The following PDE1C variants were observed in gnomAD, a reference collection of about 807,000 sequenced individuals.
PDE1C encodes dual specificity calcium/calmodulin-dependent 3',5'-cyclic nucleotide phosphodiesterase 1C.
Under a neutral mutation model 93.1 loss-of-function variants are expected in PDE1C, and 62 were observed. That is an observed-to-expected ratio of 0.67 (90% confidence interval 0.54 to 0.82). PDE1C has a LOEUF of 0.82. Ranked by LOEUF, PDE1C falls within the 40% of genes least tolerant of loss-of-function variation. The pLI is 0.00. For missense variants in PDE1C, 742 were observed against 884.6 expected, an observed-to-expected ratio of 0.84 and a Z score of 2.04; for synonymous variants, 325 against 310.1, an observed-to-expected ratio of 1.05 and a Z score of -0.50.
At chr7:31,785,182 G>A (rs554596520) in intron 16 of PDE1C, 20 of 150,846 alleles carry the variant, frequency 1.3e-4, no homozygotes, top group Admixed American at 2.0e-4. Flanking sequence ...GCTGACCAAA[G>A]CTGAGAGGAT....
rs552660583 is a variant in PDE1C at position 31,956,143 on chromosome 7, G to A, written c.129-75283C>T. ...TTTTGAGACAGAGTCGCCCAGGCTGGAGTGCAGTGGTGCGATCTCGGCTCA... is the reference window on the plus strand; with the variant it reads ...TTTTGAGACAGAGTCGCCCAGGCTGAAGTGCAGTGGTGCGATCTCGGCTCA... On this transcript the variant is annotated intron_variant, in intron 2 of 17. Transcript: ENST00000396191. 2.0e-5 allele frequency among the ~76,000 whole-genome samples: 3 copies of A among 152,192 alleles called. No individual in the cohort carries two copies. The East Asian group carries it at 5.8e-4, about 29-fold the overall frequency.
At position 32,361,710 on chromosome 7, in the gene PDE1C, G is replaced by A. The variant is rs181803404; in HGVS notation, c.310+66112C>T. ...GGCAGCAGTGCCTCCTTCCTTTCCTGCCTCGTGCTCCCCTGGCACTTTGTA... is the reference window on the plus strand; with the variant it reads ...GGCAGCAGTGCCTCCTTCCTTTCCTACCTCGTGCTCCCCTGGCACTTTGTA... On this transcript the variant is annotated intron_variant, in intron 1 of 1. Transcript: ENST00000672256. 2.2e-3 allele frequency among the ~76,000 whole-genome samples: 337 copies of A among 152,184 alleles called. 1 individual carries two copies. The highest frequency in any genetic ancestry group is 7.6e-3 in the African/African-American group (315 of 41,506).
intron 1 of PDE1C, among the ~76,000 whole-genome samples, chr7:32,057,585 A>T (rs1190048663): frequency 6.6e-6 from 1 of 152,226 alleles, no homozygotes; most frequent in Non-Finnish European, 1.5e-5. Context: ...GCAGTGTCAT[A>T]AAGTGGAAGC....
chr7:32,378,618 T>C (rs1253195040), intron 1 of PDE1C, among the ~76,000 whole-genome samples: 2 of 152,106 alleles, frequency 1.3e-5, no homozygotes, highest in Non-Finnish European at 2.9e-5. Context: ...AATATTTGCC[T>C]TTTGAGATGT....
chr7:32,084,558 A>G (rs1243646420), intron 3 of PDE1C, among the ~76,000 whole-genome samples: 5 of 151,862 alleles, frequency 3.3e-5, no homozygotes, highest in Admixed American at 2.0e-4. Context: ...CATTTTTTTC[A>G]GCACCACACC....
At chr7:32,068,803 T>A (rs1390812786) in intron 1 of PDE1C, among the ~76,000 whole-genome samples, 1 of 152,228 alleles carries the variant, frequency 6.6e-6, no homozygotes, top group Admixed American at 6.5e-5. Context: ...TATGAATCCC[T>A]CTAGTCAGCA....
chr7:32,306,858 G>C (rs1813017199), intron 1 of PDE1C, among the ~76,000 whole-genome samples: 1 of 152,184 alleles, frequency 6.6e-6, no homozygotes, highest in Admixed American at 6.5e-5. Flanking sequence ...AAGTTAGTCA[G>C]AGAAGGGAAA....
Position 31,837,647 on chromosome 7 carries a change from G to A in PDE1C, c.1082+223C>T, listed in dbSNP as rs2270219. Among the ~76,000 whole-genome samples, 71,032 of 152,040 alleles carry A rather than the reference G, an allele frequency of 0.47. 18,746 individuals carry two copies. The highest frequency in any genetic ancestry group is 0.58 in the East Asian group (2,989 of 5,160). ...CAGGGAATTATTTTTAATTCTCACT[G>A]GGGACAACTGATGCTGCCTCTATTA... On this transcript the variant is annotated intron_variant, in intron 10 of 17. Coordinates refer to ENST00000396191, the MANE Select transcript of PDE1C (RefSeq NM_001191057.4).
intron 3 of PDE1C, among the ~76,000 whole-genome samples, chr7:32,134,489 A>G (rs1000162669): frequency 1.3e-5 from 2 of 152,268 alleles, no homozygotes; most frequent in African/African-American, 4.8e-5. Flanking sequence ...CCAGTAAAGG[A>G]TATGGAGAAG....
chr7:31,877,008 C>G (rs575103020), intron 5 of PDE1C, among the ~76,000 whole-genome samples: 12 of 152,268 alleles, frequency 7.9e-5, no homozygotes, highest in African/African-American at 2.9e-4. Flanking sequence ...CTCCCCACCC[C>G]CTAACTCCAT....
the PDE1C span, among the ~76,000 whole-genome samples, chr7:31,714,767 T>C: frequency 6.6e-6 from 1 of 152,168 alleles, no homozygotes; most frequent in Non-Finnish European, 1.5e-5. Flanking sequence ...ATGAGACTTA[T>C]TCATGATCAC....
chr7:32,105,967 C>G (rs917531737), intron 3 of PDE1C, among the ~76,000 whole-genome samples: 6 of 152,104 alleles, frequency 3.9e-5, no homozygotes, highest in African/African-American at 1.4e-4. Flanking sequence ...CATTTTCTCT[C>G]TATCCATGTA....
At chr7:31,758,677 TC>T (rs1368223060) in intron 17 of PDE1C, among the ~76,000 whole-genome samples, 4 of 152,220 alleles carry the variant, frequency 2.6e-5, no homozygotes, top group Non-Finnish European at 5.9e-5. Flanking sequence ...TATATATTCT[TC>T]TATATTATTA....
intron 1 of PDE1C, among the ~76,000 whole-genome samples, chr7:32,274,176 G>T (rs940835793): frequency 6.6e-6 from 1 of 151,672 alleles, no homozygotes; most frequent in African/African-American, 2.4e-5. Context: ...CCCCAATATG[G>T]ATATAATGGC....
chr7:31,767,134 T>G (rs902757915), intron 17 of PDE1C, among the ~76,000 whole-genome samples: 1 of 152,194 alleles, frequency 6.6e-6, no homozygotes. Flanking sequence ...TACTGTTTAA[T>G]TTTGTTTTGT....
intron 1 of PDE1C, among the ~76,000 whole-genome samples, chr7:32,326,837 A>C (rs1308284214): frequency 6.6e-6 from 1 of 152,216 alleles, no homozygotes; most frequent in Non-Finnish European, 1.5e-5. Context: ...GCATGTTTGC[A>C]TGCTGATGGG....
intron 1 of PDE1C, among the ~76,000 whole-genome samples, chr7:32,353,275 A>C (rs1783966085): frequency 1.3e-4 from 1 of 7,530 alleles, no homozygotes; most frequent in African/African-American, 1.7e-4. Flanking sequence ...ACAATTTCAG[A>C]GCCTGTTATT....
chr7:31,882,858 A>G (rs1295736540), intron 2 of PDE1C, among the ~76,000 whole-genome samples: 1 of 152,196 alleles, frequency 6.6e-6, no homozygotes, highest in Non-Finnish European at 1.5e-5. Context: ...CCTAGGAAAT[A>G]AACAACAGAA....
rs1378461547 is a variant in PDE1C, at chr7:31,873,412, C to T, written c.493-4G>A. Reference sequence around the variant, plus strand: ...CAAAGGACCACTTGTCCACATCCTGCAGGACAGGGTGGGGAGAAAGAACAC... The same window carrying T: ...CAAAGGACCACTTGTCCACATCCTGTAGGACAGGGTGGGGAGAAAGAACAC... On this transcript the variant is annotated splice_polypyrimidine_tract_variant and splice_region_variant and intron_variant, in intron 5 of 17. Transcript: ENST00000396191. 5 of 1,576,362 alleles carry T rather than the reference C, an allele frequency of 3.2e-6. No homozygotes were observed. Among genetic ancestry groups the T allele is most frequent in the Non-Finnish European group, 3.5e-6 (4 of 1,146,176 alleles).
Sources: gnomAD v4.1 joint callset for allele counts (sites outside exome capture counted in the v4.1 genomes callset) on GRCh38, gnomAD v4.1.1 for gene constraint, MANE v1.5 for transcripts, NCBI Gene and HGNC (gene_info 2026-07-23, HGNC 2026-07-21) for gene names.